Variants in SYCP1 observed in about 807,000 individuals in gnomAD.
The protein encoded by SYCP1 is synaptonemal complex protein 1, also known as cancer/testis antigen 8.
In SYCP1, 64 loss-of-function variants were observed where a neutral mutation model predicts 153.1. The ratio of observed to expected loss-of-function variants is 0.42; its 90% CI spans 0.34 to 0.51. The LOEUF is 0.51. Ranked by LOEUF, SYCP1 falls within the 20% of genes least tolerant of loss-of-function variation. SYCP1 has a pLI of 0.06. For synonymous variants in SYCP1, 384 were observed against 341.8 expected (o/e 1.12, Z -1.36); for missense variants, 997 against 1,049.0 (o/e 0.95, Z 0.68).
At chr1:114,947,811 C>CAAAAAAA (rs1174716918) in intron 27 of SYCP1, among the ~76,000 whole-genome samples, 686 of 43,924 alleles carry the variant, frequency 0.016, 4 homozygotes, top group East Asian at 0.024. Flanking sequence ...GACTCCGTCT[C>CAAAAAAA]AAAAAAAAAA....
At chr1:114,926,930 T>C (rs968994271) in intron 23 of SYCP1, among the ~76,000 whole-genome samples, 2 of 152,108 alleles carry the variant, frequency 1.3e-5, no homozygotes, top group African/African-American at 4.8e-5. Flanking sequence ...GTGATTATCC[T>C]GCTGCAGAAA....
intron 8 of SYCP1, among the ~76,000 whole-genome samples, chr1:114,863,487 A>G (rs1664516871): frequency 6.6e-6 from 1 of 152,088 alleles, no homozygotes; most frequent in Non-Finnish European, 1.5e-5. Flanking sequence ...CGGGAGGCGG[A>G]GGTTGCAGTG....
intron 27 of SYCP1, among the ~76,000 whole-genome samples, chr1:114,973,394 CAT>C (rs199807636): frequency 0.01 from 1,549 of 152,150 alleles, 16 homozygotes; most frequent in Middle Eastern, 0.061. Flanking sequence ...GCTGATCACT[CAT>C]TATGCATTTT....
At chr1:114,956,446 GC>G (rs1258631977) in intron 27 of SYCP1, among the ~76,000 whole-genome samples, 1 of 152,150 alleles carries the variant, frequency 6.6e-6, no homozygotes, top group African/African-American at 2.4e-5. Flanking sequence ...TATTGTCTGT[GC>G]AGGGTTCTCC....
At chr1:114,927,791 C>G (rs970236901) in intron 23 of SYCP1, among the ~76,000 whole-genome samples, 5 of 151,786 alleles carry the variant, frequency 3.3e-5, no homozygotes, top group African/African-American at 1.2e-4. Context: ...TTGGAGTCCC[C>G]AAGTAAGAAG....
At chr1:114,961,544 A>G in intron 27 of SYCP1, among the ~76,000 whole-genome samples, 1 of 152,134 alleles carries the variant, frequency 6.6e-6, no homozygotes, top group East Asian at 1.9e-4. Flanking sequence ...CTGTGTCACT[A>G]TTATCGTTTA....
intron 20 of SYCP1, among the ~76,000 whole-genome samples, chr1:114,915,215 T>TC (rs1388866712): frequency 6.6e-6 from 1 of 152,222 alleles, no homozygotes; most frequent in East Asian, 1.9e-4. Context: ...GGCTGGCTCT[T>TC]TAACAATTTG....
At chr1:114,861,138 G>C (rs1358098902) in intron 8 of SYCP1, among the ~76,000 whole-genome samples, 1 of 152,060 alleles carries the variant, frequency 6.6e-6, no homozygotes, top group Non-Finnish European at 1.5e-5. Flanking sequence ...AGCCATGCTC[G>C]TAATAGAAAA....
At chr1:114,994,168 A>G (rs938555639) in intron 30 of SYCP1, among the ~76,000 whole-genome samples, 14 of 151,448 alleles carry the variant, frequency 9.2e-5, no homozygotes, top group African/African-American at 3.4e-4. Context: ...ATTGTGAATA[A>G]TGCTGCTATT....
At chr1:114,865,635 C>T (rs559505432) in intron 8 of SYCP1, among the ~76,000 whole-genome samples, 9 of 152,130 alleles carry the variant, frequency 5.9e-5, no homozygotes, top group East Asian at 3.9e-4. Flanking sequence ...ATAGCCTCTC[C>T]GATTATCAAC....
At chr1:114,973,545 G>A (rs540933754) in intron 27 of SYCP1, among the ~76,000 whole-genome samples, 1 of 152,128 alleles carries the variant, frequency 6.6e-6, no homozygotes, top group African/African-American at 2.4e-5. Flanking sequence ...GTAATAGGGT[G>A]AGGAGCCACA....
At chr1:114,971,389 A>C (rs1004691893) in intron 27 of SYCP1, among the ~76,000 whole-genome samples, 8 of 151,960 alleles carry the variant, frequency 5.3e-5, no homozygotes, top group Admixed American at 2.6e-4. Context: ...AGTAGGGGGA[A>C]AGTTGGCATT....
intron 8 of SYCP1, among the ~76,000 whole-genome samples, chr1:114,874,156 G>T (rs1380644926): frequency 6.6e-6 from 1 of 152,110 alleles, no homozygotes; most frequent in East Asian, 1.9e-4. Context: ...TTCTGCCCTG[G>T]TAAGTTGTAA....
At chr1:114,886,457 C>T in intron 14 of SYCP1, 148 bp downstream of exon 14, 2 of 613,816 alleles carry the variant, frequency 3.3e-6, no homozygotes, top group Non-Finnish European at 4.9e-6. Context: ...AGTGGGAATA[C>T]ATTTTAAAAG....
chr1:114,909,335 T>C (rs142359015), intron 16 of SYCP1, among the ~76,000 whole-genome samples: 8 of 152,102 alleles, frequency 5.3e-5, no homozygotes, highest in Non-Finnish European at 7.4e-5. Flanking sequence ...CATTTCACCA[T>C]TGGGACAAAG....
intron 16 of SYCP1, among the ~76,000 whole-genome samples, chr1:114,898,786 G>C (rs1372442900): frequency 6.6e-6 from 1 of 152,152 alleles, no homozygotes; most frequent in Admixed American, 6.5e-5. Context: ...AGGACTTCTA[G>C]ATTGGCTTTG....
At chr1:114,872,768 T>A (rs1424047480) in intron 8 of SYCP1, among the ~76,000 whole-genome samples, 1 of 152,198 alleles carries the variant, frequency 6.6e-6, no homozygotes, top group African/African-American at 2.4e-5. Flanking sequence ...ATCTTCAACT[T>A]CAAAGATTAC....
chr1:114,989,045 T>C (rs59729982), intron 30 of SYCP1, among the ~76,000 whole-genome samples: 5,027 of 151,908 alleles, frequency 0.033, 274 homozygotes, highest in African/African-American at 0.11. Context: ...TGCACATCTG[T>C]AGACCCAGGT....
At chr1:114,899,310 G>T (rs543623481) in intron 16 of SYCP1, among the ~76,000 whole-genome samples, 20 of 152,190 alleles carry the variant, frequency 1.3e-4, no homozygotes, top group Non-Finnish European at 2.6e-4. Context: ...AGTCCAAAAT[G>T]TTTCCTTTAC....
Sources: gnomAD v4.1 joint callset for allele counts (sites outside exome capture counted in the v4.1 genomes callset) on GRCh38, gnomAD v4.1.1 for gene constraint, MANE v1.5 for transcripts, NCBI Gene and HGNC (gene_info 2026-07-23, HGNC 2026-07-21) for gene names.